Variants in ERI3 observed in about 807,000 individuals in gnomAD.
ERI3 encodes the protein ERI1 exoribonuclease family member 3, also known as ERI1 exoribonuclease 3.
A neutral mutation model predicts 44.4 loss-of-function variants in ERI3; 18 were observed. That is an observed-to-expected ratio of 0.41 (90% confidence interval 0.28 to 0.60). The LOEUF (loss-of-function observed/expected upper bound fraction) is 0.60. Among genes scored for constraint, ERI3 ranks in the 20% least tolerant of loss-of-function variants. ERI3 has a pLI of 0.36. For synonymous variants in ERI3, 183 were observed against 164.8 expected (o/e 1.11, Z -0.84); for missense variants, 294 against 435.5 (o/e 0.68, Z 2.89).
intron 3 of ERI3, among the ~76,000 whole-genome samples, chr1:44,337,168 T>A (rs1208881323): frequency 3.3e-5 from 5 of 152,214 alleles, no homozygotes; most frequent in African/African-American, 4.8e-5. Flanking sequence ...TCTGAGTTTA[T>A]AATCTAACTG....
chr1:44,239,537 G>A (rs1217979850), intron 8 of ERI3, among the ~76,000 whole-genome samples: 1 of 152,222 alleles, frequency 6.6e-6, no homozygotes, highest in Non-Finnish European at 1.5e-5. Flanking sequence ...TTCCTGCTGG[G>A]AGGCCCCATT....
chr1:44,332,784 C>T (rs563561809), intron 3 of ERI3, among the ~76,000 whole-genome samples: 1 of 152,292 alleles, frequency 6.6e-6, no homozygotes, highest in South Asian at 2.1e-4. Context: ...GGAGGCCCAT[C>T]CTTATGAGGG....
chr1:44,260,951 C>T (rs1644880921), intron 7 of ERI3, among the ~76,000 whole-genome samples: 1 of 152,176 alleles, frequency 6.6e-6, no homozygotes, highest in South Asian at 2.1e-4. Flanking sequence ...TGCTTAACCA[C>T]GTATTTACAT....
Position 44,238,636 on chromosome 1 carries a change from C to T in ERI3, c.931+9303G>A, listed in dbSNP as rs551073909. ...CTGTCCTATCCCAACCCAAGAGTGA[C>T]GGGGAGGCAGGAAGGATGCCTGAGA... On this transcript the variant is annotated intron_variant, in intron 8 of 8. Coordinates refer to ENST00000372257, the MANE Select transcript of ERI3 (RefSeq NM_024066.3). Among the ~76,000 whole-genome samples the T allele has an allele frequency of 4.9e-4, 74 of 152,204 alleles. 1 individual carries two copies. In the East Asian group the frequency reaches 0.011, roughly 23 times the overall value.
chr1:44,337,851 C>T (rs1228082061), intron 3 of ERI3, among the ~76,000 whole-genome samples: 1 of 152,172 alleles, frequency 6.6e-6, no homozygotes, highest in Non-Finnish European at 1.5e-5. Context: ...ATGCTGAGGT[C>T]CCCTTCTCTC....
intron 7 of ERI3, among the ~76,000 whole-genome samples, chr1:44,272,347 G>T (rs1221756547): frequency 6.6e-6 from 1 of 152,142 alleles, no homozygotes; most frequent in Non-Finnish European, 1.5e-5. Flanking sequence ...CACACAGCTA[G>T]TGAGTAGCAA....
intron 4 of ERI3, among the ~76,000 whole-genome samples, chr1:44,319,206 A>C (rs1356287759): frequency 6.6e-6 from 1 of 152,228 alleles, no homozygotes; most frequent in Non-Finnish European, 1.5e-5. Flanking sequence ...TACGCTTCAC[A>C]CAGGACCACT....
chr1:44,303,837 T>C (rs559253007), intron 6 of ERI3, among the ~76,000 whole-genome samples: 2 of 152,166 alleles, frequency 1.3e-5, no homozygotes, highest in Admixed American at 6.5e-5. Context: ...GAGAATGGAA[T>C]AGGAGCAGCA....
chr1:44,269,573 A>T (rs146642202), intron 7 of ERI3, among the ~76,000 whole-genome samples: 2 of 152,318 alleles, frequency 1.3e-5, no homozygotes, highest in African/African-American at 4.8e-5. Context: ...TGCATATACA[A>T]ATGGGTACAC....
Position 44,221,139 on chromosome 1 carries a change from G to C in ERI3, c.*419C>G. 3.6e-6 allele frequency: 1 copy of C among 274,424 alleles called. No individual in the cohort carries two copies. Among genetic ancestry groups the C allele is most frequent in the South Asian group, 4.8e-5 (1 of 20,856 alleles). The allele number at this position is 274,424 out of a possible 1,614,324, so 17.0% of individuals were successfully genotyped here. A position where few individuals can be genotyped will look rare whatever the true frequency, so the allele number is the denominator to read the frequency against. On this transcript the variant is annotated 3_prime_UTR_variant, in exon 9 of 9. Coordinates refer to ENST00000372257, the MANE Select transcript of ERI3 (RefSeq NM_024066.3). The surrounding 1 kb of genome is among the most constrained non-coding windows in gnomAD (Gnocchi z 5.9). The stretch of plus-strand genomic sequence containing the variant: ...CAGTGGCACGTTCACAGCGGGGATG[G>C]GGGTAGACACAAGGTGGGGCCTGAT...
At position 44,321,945 on chromosome 1, in the gene ERI3, C is replaced by T. The variant is rs913106519; in HGVS notation, c.490-2201G>A. Among the ~76,000 whole-genome samples, 5 of 152,190 alleles carry T rather than the reference C, an allele frequency of 3.3e-5. No homozygotes were observed. The South Asian group carries it at 1.0e-3, about 32-fold the overall frequency. ...TTTTATTAAATTCAATTTTCTTAAG[C>T]CCATGATACATTATGAAATTAGGAG... On this transcript the variant is annotated intron_variant, in intron 3 of 8. Transcript: ENST00000372257.
intron 8 of ERI3, among the ~76,000 whole-genome samples, chr1:44,236,788 T>G (rs905067162): frequency 1.3e-5 from 2 of 152,102 alleles, no homozygotes; most frequent in Non-Finnish European, 2.9e-5. Context: ...GGGGACACTC[T>G]TCCGCCAAAA....
At chr1:44,347,966 T>A (rs1411727166) in intron 2 of ERI3, among the ~76,000 whole-genome samples, 2 of 152,032 alleles carry the variant, frequency 1.3e-5, no homozygotes, top group Non-Finnish European at 2.9e-5. Flanking sequence ...CTGAGCTAGA[T>A]CCCTAAGGGT....
chr1:44,273,672 T>G (rs187755019), intron 7 of ERI3, among the ~76,000 whole-genome samples: 2 of 152,300 alleles, frequency 1.3e-5, no homozygotes, highest in East Asian at 3.9e-4. Flanking sequence ...TACAAAAGCA[T>G]GTGATACACT....
chr1:44,275,998 C>T (rs919469748), intron 7 of ERI3, among the ~76,000 whole-genome samples: 1 of 152,176 alleles, frequency 6.6e-6, no homozygotes, highest in African/African-American at 2.4e-5. Flanking sequence ...TGCTTCCACT[C>T]AAGGCAGAAA....
At chr1:44,328,067 A>G (rs1365692424) in intron 3 of ERI3, among the ~76,000 whole-genome samples, 1 of 152,220 alleles carries the variant, frequency 6.6e-6, no homozygotes, top group African/African-American at 2.4e-5. Flanking sequence ...ATCTCTTCAC[A>G]GAATACTGCA....
intron 7 of ERI3, among the ~76,000 whole-genome samples, chr1:44,264,378 G>A (rs1448368258): frequency 1.3e-5 from 2 of 152,174 alleles, no homozygotes; most frequent in Non-Finnish European, 2.9e-5. Context: ...ATACATCTCA[G>A]TCTCTTCTAT....
rs1646923321 is a variant in ERI3, at chr1:44,352,833, T to C, written c.211+17A>G. The C allele has an allele frequency of 4.3e-6, 7 of 1,613,898 alleles. No homozygotes were observed. The highest frequency in any genetic ancestry group is 5.1e-6 in the Non-Finnish European group (6 of 1,179,936). The stretch of plus-strand genomic sequence containing the variant: ...AAGAAAATAAAGCCAGACTTGACCA[T>C]GCAACAGGATTCTCACCTCTCCTTA... On this transcript the variant is annotated intron_variant, in intron 2 of 8. Coordinates refer to ENST00000372257, the MANE Select transcript of ERI3 (RefSeq NM_024066.3).
At chr1:44,340,025 G>A (rs879399229) in intron 2 of ERI3, among the ~76,000 whole-genome samples, 2 of 151,982 alleles carry the variant, frequency 1.3e-5, no homozygotes, top group South Asian at 2.1e-4. Context: ...CCTTAGACTC[G>A]GTCTCTACTC....
Sources: allele counts gnomAD v4.1 joint callset (sites outside exome capture counted in the v4.1 genomes callset), GRCh38; gene constraint gnomAD v4.1.1; non-coding constraint Gnocchi (gnomAD v3.1); transcripts MANE v1.5; gene names NCBI Gene and HGNC (gene_info 2026-07-23, HGNC 2026-07-21).